Variants in ATE1 observed in about 807,000 individuals in gnomAD.
The protein encoded by ATE1 is arginyl-tRNA--protein transferase 1.
A neutral mutation model predicts 70.5 loss-of-function variants in ATE1; 36 were observed. The observed-to-expected ratio is 0.51, with a 90% CI of 0.39 to 0.67. ATE1 has a LOEUF of 0.67. Ranked by LOEUF, ATE1 falls within the 30% of genes least tolerant of loss-of-function variation. The pLI is 0.00. For synonymous variants in ATE1, 232 were observed against 219.3 expected, an observed-to-expected ratio of 1.06 and a Z score of -0.51; for missense variants, 593 against 629.5, an observed-to-expected ratio of 0.94 and a Z score of 0.62.
intron 10 of ATE1, among the ~76,000 whole-genome samples, chr10:121,796,652 T>C (rs1034596075): frequency 5.9e-5 from 9 of 152,160 alleles, no homozygotes; most frequent in African/African-American, 2.2e-4. Flanking sequence ...AAAATTAAAA[T>C]ATGGCCTCAT....
intron 7 of ATE1, among the ~76,000 whole-genome samples, chr10:121,879,107 T>C (rs1950150155): frequency 6.6e-6 from 1 of 152,016 alleles, no homozygotes. Flanking sequence ...TGGCAAAAAG[T>C]ATAGGTGGGG....
intron 8 of ATE1, among the ~76,000 whole-genome samples, chr10:121,854,908 C>T (rs749105714): frequency 1.1e-4 from 16 of 152,252 alleles, no homozygotes; most frequent in African/African-American, 2.2e-4. Context: ...GGCATGTACA[C>T]GGTGGGTTCC....
At chr10:121,892,271 T>C (rs894803640) in intron 7 of ATE1, among the ~76,000 whole-genome samples, 1 of 151,992 alleles carries the variant, frequency 6.6e-6, no homozygotes, top group Non-Finnish European at 1.5e-5. Flanking sequence ...GCAGTGACCA[T>C]CTCCTTAATA....
At chr10:121,862,574 A>C (rs1590545864) in intron 8 of ATE1, among the ~76,000 whole-genome samples, 1 of 106,426 alleles carries the variant, frequency 9.4e-6, no homozygotes, top group African/African-American at 3.8e-5. Context: ...TGGTTTTGCC[A>C]TGTTGCCCAG....
At chr10:121,807,596 C>T (rs377629847) in intron 10 of ATE1, among the ~76,000 whole-genome samples, 2 of 152,124 alleles carry the variant, frequency 1.3e-5, no homozygotes, top group South Asian at 2.1e-4. Flanking sequence ...CGTGATGACA[C>T]TGACTTAGAC....
chr10:121,772,947 A>T (rs1687034550), intron 11 of ATE1, among the ~76,000 whole-genome samples: 1 of 152,234 alleles, frequency 6.6e-6, no homozygotes. Context: ...CTGAGGTGTT[A>T]CACAAAAAGT....
chr10:121,845,955 G>A (rs1948802919), intron 8 of ATE1, among the ~76,000 whole-genome samples: 1 of 151,970 alleles, frequency 6.6e-6, no homozygotes, highest in South Asian at 2.1e-4. Flanking sequence ...GGGTCTAGAA[G>A]AAACACCACC....
intron 7 of ATE1, among the ~76,000 whole-genome samples, chr10:121,878,360 A>C (rs1564920574): frequency 6.6e-6 from 1 of 152,180 alleles, no homozygotes; most frequent in East Asian, 1.9e-4. Flanking sequence ...TGGGAGGCTG[A>C]GGCGGGTAGA....
intron 11 of ATE1, among the ~76,000 whole-genome samples, chr10:121,754,198 G>A (rs1247890775): frequency 6.6e-6 from 1 of 152,142 alleles, no homozygotes; most frequent in East Asian, 1.9e-4. Context: ...TGCTGAGAGG[G>A]CTTAGAAGCA....
intron 11 of ATE1, among the ~76,000 whole-genome samples, chr10:121,765,844 T>C (rs1317730473): frequency 1.3e-5 from 2 of 152,200 alleles, no homozygotes; most frequent in African/African-American, 4.8e-5. Context: ...CATTTAATTT[T>C]ATTGGCAATT....
chr10:121,745,651 C>T (rs913208500), intron 11 of ATE1, among the ~76,000 whole-genome samples: 8 of 152,192 alleles, frequency 5.3e-5, no homozygotes, highest in South Asian at 4.2e-4. Context: ...GGTGTGAACC[C>T]GGGAGGCGGA....
chr10:121,916,759 T>C (rs1410091514), intron 3 of ATE1, among the ~76,000 whole-genome samples: 2 of 148,506 alleles, frequency 1.3e-5, no homozygotes, highest in Non-Finnish European at 3.0e-5. Context: ...CACTTGAACC[T>C]GGGAGGCAGA....
At chr10:121,780,479 C>G (rs1160934773) in intron 11 of ATE1, among the ~76,000 whole-genome samples, 2 of 152,182 alleles carry the variant, frequency 1.3e-5, no homozygotes, top group Non-Finnish European at 2.9e-5. Context: ...GCATGCAAAC[C>G]CTTCTTAACT....
At chr10:121,826,763 C>A (rs1028286360) in intron 10 of ATE1, among the ~76,000 whole-genome samples, 1 of 152,200 alleles carries the variant, frequency 6.6e-6, no homozygotes, top group Admixed American at 6.5e-5. Flanking sequence ...GCCCTTGCCA[C>A]CTTCCCTCTC....
chr10:121,827,678 T>C (rs560370529), intron 10 of ATE1, among the ~76,000 whole-genome samples: 23 of 152,236 alleles, frequency 1.5e-4, no homozygotes, highest in Non-Finnish European at 3.2e-4. Context: ...GAAGACAATT[T>C]CCTTTCATCA....
intron 8 of ATE1, among the ~76,000 whole-genome samples, chr10:121,853,576 G>A (rs945942744): frequency 4.6e-5 from 7 of 151,778 alleles, no homozygotes; most frequent in South Asian, 2.1e-4. Flanking sequence ...TCCAAAATCC[G>A]AAATACTTTG....
At chr10:121,866,840 C>G (rs536470031) in intron 8 of ATE1, among the ~76,000 whole-genome samples, 64 of 115,232 alleles carry the variant, frequency 5.6e-4, no homozygotes, top group African/African-American at 1.9e-3. Flanking sequence ...GAGTAAGACT[C>G]TGTCTCAAAA....
At chr10:121,834,605 T>C (rs1198340072) in intron 10 of ATE1, among the ~76,000 whole-genome samples, 2 of 151,652 alleles carry the variant, frequency 1.3e-5, no homozygotes, top group African/African-American at 4.8e-5. Flanking sequence ...GACAAAAGAA[T>C]AAAAAATATT....
chr10:121,805,463 G>A (rs928579129), intron 10 of ATE1, among the ~76,000 whole-genome samples: 1 of 152,094 alleles, frequency 6.6e-6, no homozygotes, highest in African/African-American at 2.4e-5. Context: ...AAGGAGTGGT[G>A]GTGATTATCC....
Sources: gnomAD v4.1 joint callset for allele counts (sites outside exome capture counted in the v4.1 genomes callset) on GRCh38, gnomAD v4.1.1 for gene constraint, MANE v1.5 for transcripts, NCBI Gene and HGNC (gene_info 2026-07-23, HGNC 2026-07-21) for gene names.